The following AK7 variants were observed in gnomAD, a reference collection of about 807,000 sequenced individuals.
The protein encoded by AK7 is adenylate kinase 7.
A neutral mutation model predicts 96.6 loss-of-function variants in AK7; 78 were observed. The ratio of observed to expected loss-of-function variants is 0.81; its 90% confidence interval spans 0.67 to 0.97. The LOEUF is 0.97. Ranked by LOEUF, AK7 falls within the 50% of genes least tolerant of loss-of-function variation. The probability of loss-of-function intolerance (pLI) is 0.00; values close to 1 mark genes in which losing one functional copy is unlikely to be tolerated. For missense variants in AK7, 855 were observed against 887.9 expected (o/e 0.96, Z 0.47); for synonymous variants, 302 against 317.2 (o/e 0.95, Z 0.51).
chr14:96,475,865 G>T (rs2140164286), intron 14 of AK7, among the ~76,000 whole-genome samples: 1 of 152,172 alleles, frequency 6.6e-6, no homozygotes, highest in South Asian at 2.1e-4. Context: ...TGTGGTCCCA[G>T]CTACTCAGGA....
chr14:96,415,213 G>A (rs2140023130), intron 4 of AK7, among the ~76,000 whole-genome samples: 1 of 152,134 alleles, frequency 6.6e-6, no homozygotes, highest in South Asian at 2.1e-4. Context: ...CCAGCACATT[G>A]GAAGGCTAAG....
intron 2 of AK7, among the ~76,000 whole-genome samples, chr14:96,401,545 C>T (rs1046828525): frequency 6.6e-6 from 1 of 152,074 alleles, no homozygotes; most frequent in Non-Finnish European, 1.5e-5. Context: ...GTATATGGTG[C>T]GCTGTGGCAG....
At chr14:96,420,027 G>T (rs1259970911) in intron 4 of AK7, among the ~76,000 whole-genome samples, 1 of 150,786 alleles carries the variant, frequency 6.6e-6, no homozygotes, top group Non-Finnish European at 1.5e-5. Flanking sequence ...CACCACGCCT[G>T]GCTAATTTTC....
intron 7 of AK7, among the ~76,000 whole-genome samples, chr14:96,444,785 T>G (rs1893140132): frequency 1.3e-5 from 2 of 151,996 alleles, no homozygotes; most frequent in Admixed American, 1.3e-4. Context: ...TGCCACAACC[T>G]TGGCTCACTG....
At position 96,398,058 on chromosome 14, in the gene AK7, T is replaced by A. The variant is rs1566755374; in HGVS notation, c.106-17T>A. ...TAATTTTCTCTTACCATTTGGGAAA[T>A]TTCTGTTTCCTTGCAGTTTCTATCT... is the stretch of plus-strand genomic sequence containing the variant. On this transcript the variant is annotated splice_polypyrimidine_tract_variant and intron_variant, in intron 1 of 17. Coordinates refer to ENST00000267584, the MANE Select transcript of AK7 (RefSeq NM_152327.5). 1 of 1,607,626 alleles carries A rather than the reference T, an allele frequency of 6.2e-7. No individual in the cohort carries two copies. Among genetic ancestry groups the A allele is most frequent in the African/African-American group, 1.3e-5 (1 of 74,758 alleles).
intron 10 of AK7, among the ~76,000 whole-genome samples, chr14:96,454,048 G>A (rs149571781): frequency 9.7e-4 from 148 of 152,178 alleles, no homozygotes; most frequent in African/African-American, 3.3e-3. Context: ...CTATCCGATG[G>A]GACCACACGC....
chr14:96,435,292 G>C (rs1892575495), intron 5 of AK7, among the ~76,000 whole-genome samples: 1 of 151,982 alleles, frequency 6.6e-6, no homozygotes, highest in Non-Finnish European at 1.5e-5. Flanking sequence ...GGGCCCAAGG[G>C]CTCTCAAGTT....
rs1895584042 is a variant in AK7, at chr14:96,483,034, G to C, written c.1789G>C (p.Ala597Pro). ...GKLEDAQNRL[A>P]IKQLIKEIGE... is the part of the protein sequence containing the mutation. ...ACTTGAAGATGCTCAGAATAGACTT[G>C]CTATCAAACAGCTCATCAAAGAGAT... Residue 597 changes from alanine to proline, a missense_variant, in exon 16 of 18, where the codon GCT (alanine) becomes CCT (proline). Transcript: ENST00000267584. The C allele has an allele frequency of 6.2e-7, 1 of 1,614,088 alleles. No homozygotes were observed. The highest frequency in any genetic ancestry group is 1.1e-5 in the South Asian group (1 of 91,088).
intron 12 of AK7, among the ~76,000 whole-genome samples, chr14:96,465,972 T>C (rs1418114418): frequency 1.4e-5 from 2 of 141,480 alleles, no homozygotes; most frequent in African/African-American, 5.4e-5. Context: ...ATCATGCCAC[T>C]GCACTCCAGA....
At chr14:96,435,934 C>CTGG (rs1306091759) in intron 5 of AK7, among the ~76,000 whole-genome samples, 7 of 152,118 alleles carry the variant, frequency 4.6e-5, no homozygotes, top group Non-Finnish European at 7.3e-5. Context: ...ACTGTTTTTT[C>CTGG]TGGTTCTTCA....
intron 2 of AK7, among the ~76,000 whole-genome samples, chr14:96,400,741 C>T (rs972667536): frequency 1.3e-5 from 2 of 152,208 alleles, no homozygotes; most frequent in Admixed American, 6.5e-5. Context: ...GTCTCACTGT[C>T]GTGAATGGAA....
rs201330148 is a variant in AK7 at position 96,437,856 on chromosome 14, G to A, written c.631G>A (p.Val211Ile). Residue 211 changes from valine to isoleucine, a missense_variant, in exon 6 of 18, where the codon GTA becomes ATA. Physicochemically the swap from Val to Ile is conservative, Grantham distance 29. Transcript: ENST00000267584. The stretch of plus-strand genomic sequence containing the variant: ...ATAGGCCAGAAAATTTGCAGCATAC[G>A]TAGTTGCTGCTGGACTCCAGTATGG... ...GKKARKFAAY[V>I]VAAGLQYGAE... 80 of 1,611,186 alleles carry A rather than the reference G, an allele frequency of 5.0e-5. No individual in the cohort carries two copies. In the East Asian group the frequency reaches 1.2e-3, roughly 25 times the overall value.
intron 8 of AK7, 133 bp from the exon 9 acceptor site, chr14:96,449,669 G>GCCTCAA (rs1893468060): frequency 1.6e-6 from 1 of 609,508 alleles, no homozygotes; most frequent in Non-Finnish European, 3.0e-6. Context: ...CCTGATTACG[G>GCCTCAA]GTGATCCGCC....
chr14:96,429,229 C>T (rs1212286543), intron 5 of AK7, among the ~76,000 whole-genome samples: 2 of 152,136 alleles, frequency 1.3e-5, no homozygotes, highest in African/African-American at 4.8e-5. Context: ...ATCCTTTCCC[C>T]TTTTCTTGTT....
At chr14:96,439,097 T>C (rs1892810221) in intron 6 of AK7, among the ~76,000 whole-genome samples, 1 of 152,102 alleles carries the variant, frequency 6.6e-6, no homozygotes, top group Non-Finnish European at 1.5e-5. Flanking sequence ...GTATAGATAC[T>C]GGGAAGGCTA....
At chr14:96,442,650 C>G in intron 6 of AK7, 80 bp from the exon 7 acceptor site, 1 of 1,109,534 alleles carries the variant, frequency 9.0e-7, no homozygotes, top group Non-Finnish European at 1.4e-6. Flanking sequence ...TCAGTTGCCT[C>G]TGACTGTAGA....
intron 3 of AK7, among the ~76,000 whole-genome samples, chr14:96,405,481 A>G (rs1311973744): frequency 2.0e-5 from 3 of 152,062 alleles, no homozygotes; most frequent in Non-Finnish European, 4.4e-5. Context: ...ACAATGCCTT[A>G]CCAAAACATT....
At chr14:96,486,495 A>T (rs1250823728) in intron 16 of AK7, among the ~76,000 whole-genome samples, 1 of 152,212 alleles carries the variant, frequency 6.6e-6, no homozygotes, top group Non-Finnish European at 1.5e-5. Context: ...AATCCCACTC[A>T]AACCAAACCA....
chr14:96,407,620 T>C (rs553464034), intron 3 of AK7, among the ~76,000 whole-genome samples: 151 of 147,814 alleles, frequency 1.0e-3, no homozygotes, highest in African/African-American at 3.4e-3. Flanking sequence ...CTCGCTCTGT[T>C]GCCTAGGCTG....
Sources: allele counts gnomAD v4.1 joint callset (sites outside exome capture counted in the v4.1 genomes callset), GRCh38; gene constraint gnomAD v4.1.1; transcripts MANE v1.5; gene names NCBI Gene and HGNC (gene_info 2026-07-23, HGNC 2026-07-21).